FOXP2: variants seen among roughly 807,000 people sequenced by gnomAD.
The protein encoded by FOXP2 is forkhead box P2.
In FOXP2, 12 loss-of-function variants were observed where a neutral mutation model predicts 115.8. The observed-to-expected ratio is 0.10, with a 90% CI of 0.07 to 0.17. The LOEUF (loss-of-function observed/expected upper bound fraction) is 0.17. Among genes scored for constraint, FOXP2 ranks in the 10% least tolerant of loss-of-function variants. The pLI is 1.00. For synonymous variants in FOXP2, 328 were observed against 297.7 expected (o/e 1.10, Z -1.05); for missense variants, 629 against 843.5 (o/e 0.75, Z 3.15).
chr7:114,317,137 C>A (rs971984746), intron 2 of FOXP2, among the ~76,000 whole-genome samples: 9 of 152,154 alleles, frequency 5.9e-5, no homozygotes, highest in Admixed American at 5.2e-4. Context: ...ACTCCCTCCA[C>A]CCATGTCCCC....
chr7:114,663,554 G>C, intron 15 of FOXP2, 35 bp downstream of exon 15: 1 of 1,231,490 alleles, frequency 8.1e-7, no homozygotes, highest in Non-Finnish European at 1.1e-6. Context: ...GTATTTGAAT[G>C]TTTAGGGCTT....
intron 2 of FOXP2, among the ~76,000 whole-genome samples, chr7:114,323,005 C>A (rs1369110014): frequency 6.6e-6 from 1 of 152,072 alleles, no homozygotes. Context: ...AGATTTATAC[C>A]TAACTCATTA....
chr7:114,534,964 G>A (rs983224120), intron 3 of FOXP2, among the ~76,000 whole-genome samples: 2 of 151,710 alleles, frequency 1.3e-5, no homozygotes, highest in African/African-American at 4.8e-5. Flanking sequence ...TAGGCATAAA[G>A]AATTTTGCAT....
intron 6 of FOXP2, among the ~76,000 whole-genome samples, chr7:114,633,339 A>C (rs950608363): frequency 6.6e-5 from 10 of 152,170 alleles, no homozygotes; most frequent in African/African-American, 2.2e-4. Context: ...TTCAAATTAA[A>C]ATTTATTTTC....
At chr7:114,288,779 C>A (rs994249609) in intron 2 of FOXP2, among the ~76,000 whole-genome samples, 1 of 151,640 alleles carries the variant, frequency 6.6e-6, no homozygotes, top group Non-Finnish European at 1.5e-5. Flanking sequence ...ATCAATCAAA[C>A]GGTTTGTCAT....
At chr7:114,673,343 T>G (rs921899283) in intron 16 of FOXP2, among the ~76,000 whole-genome samples, 1 of 152,236 alleles carries the variant, frequency 6.6e-6, no homozygotes, top group Non-Finnish European at 1.5e-5. Context: ...ACAATATATT[T>G]GTACTTATCA....
intron 16 of FOXP2, among the ~76,000 whole-genome samples, chr7:114,676,098 T>TTTTTTTTTTTA (rs1554443223): frequency 6.9e-6 from 1 of 144,272 alleles, no homozygotes. Flanking sequence ...TTTTTTTTTT[T>TTTTTTTTTTTA]TTGTATTTTT....
chr7:114,446,078 GTC>G (rs3028210), intron 2 of FOXP2, among the ~76,000 whole-genome samples: 59,487 of 151,580 alleles, frequency 0.39, 12,211 homozygotes, highest in Admixed American at 0.47. Flanking sequence ...GATATCATAA[GTC>G]TGATATTTTT....
intron 1 of FOXP2, among the ~76,000 whole-genome samples, chr7:114,205,096 A>C (rs1327017232): frequency 6.6e-6 from 1 of 152,130 alleles, no homozygotes; most frequent in African/African-American, 2.4e-5. Flanking sequence ...GAGATTTAAA[A>C]GTGATAATTT....
intron 2 of FOXP2, among the ~76,000 whole-genome samples, chr7:114,436,059 G>A (rs1584733066): frequency 6.6e-6 from 1 of 152,072 alleles, no homozygotes; most frequent in Admixed American, 6.6e-5. Flanking sequence ...ATTTAAAAAA[G>A]CAAGGCTTGG....
chr7:114,328,233 CTTTTT>C (rs1193894946), intron 2 of FOXP2, among the ~76,000 whole-genome samples: 5 of 129,592 alleles, frequency 3.9e-5, no homozygotes, highest in Admixed American at 2.4e-4. Flanking sequence ...CTTTTCTTTT[CTTTTT>C]TTTTTTTTTT....
At chr7:114,551,911 T>C (rs1200671665) in intron 3 of FOXP2, among the ~76,000 whole-genome samples, 1 of 152,212 alleles carries the variant, frequency 6.6e-6, no homozygotes, top group Non-Finnish European at 1.5e-5. Context: ...CAAATATTTA[T>C]AACTACTGTT....
At chr7:114,114,488 C>T (rs541199662) in intron 1 of FOXP2, among the ~76,000 whole-genome samples, 4 of 152,070 alleles carry the variant, frequency 2.6e-5, no homozygotes, top group African/African-American at 7.2e-5. Flanking sequence ...AGCACAACTC[C>T]GTGAGTTTGA....
At chr7:114,396,154 C>A (rs2129195431) in intron 2 of FOXP2, among the ~76,000 whole-genome samples, 1 of 151,946 alleles carries the variant, frequency 6.6e-6, no homozygotes, top group South Asian at 2.1e-4. Context: ...TCATCTTCCC[C>A]CACAACCCCT....
intron 1 of FOXP2, among the ~76,000 whole-genome samples, chr7:114,152,641 CTG>C (rs1244567277): frequency 3.3e-5 from 5 of 152,104 alleles, no homozygotes; most frequent in African/African-American, 4.8e-5. Context: ...AAAAAGACAA[CTG>C]TGATTTCTGT....
intron 2 of FOXP2, among the ~76,000 whole-genome samples, chr7:114,318,710 C>CATATAT (rs144291161): frequency 0.29 from 43,173 of 147,088 alleles, 6,732 homozygotes; most frequent in African/African-American, 0.4. Flanking sequence ...TTAGATAATT[C>CATATAT]ATATATATAT....
At chr7:114,535,811 G>T (rs1241439391) in intron 3 of FOXP2, among the ~76,000 whole-genome samples, 1 of 151,648 alleles carries the variant, frequency 6.6e-6, no homozygotes, top group Non-Finnish European at 1.5e-5. Context: ...TTGGGGATAA[G>T]GGATGTTTCA....
At chr7:114,234,026 A>G (rs1411499767) in intron 1 of FOXP2, among the ~76,000 whole-genome samples, 1 of 152,150 alleles carries the variant, frequency 6.6e-6, no homozygotes, top group Non-Finnish European at 1.5e-5. Context: ...ACAAAAACAA[A>G]AAAACTACAG....
At chr7:114,492,589 C>T (rs181160987) in intron 2 of FOXP2, among the ~76,000 whole-genome samples, 4 of 152,130 alleles carry the variant, frequency 2.6e-5, no homozygotes, top group East Asian at 3.9e-4. Flanking sequence ...TTGAATGTGT[C>T]CCAGAGATTC....
Sources: allele counts gnomAD v4.1 joint callset (sites outside exome capture counted in the v4.1 genomes callset), GRCh38; gene constraint gnomAD v4.1.1; transcripts MANE v1.5; gene names NCBI Gene and HGNC (gene_info 2026-07-23, HGNC 2026-07-21).